The following ZNF385D variants were observed in gnomAD, a reference collection of about 807,000 sequenced individuals.
ZNF385D encodes the protein zinc finger protein 385D.
Under a neutral mutation model 35.8 loss-of-function variants are expected in ZNF385D, and 15 were observed. The ratio of observed to expected loss-of-function variants is 0.42; its 90% CI spans 0.28 to 0.64. The LOEUF (loss-of-function observed/expected upper bound fraction) is 0.64, where lower values mean the gene tolerates loss of function less well. Ranked by LOEUF, ZNF385D falls within the 30% of genes least tolerant of loss-of-function variation. The probability of loss-of-function intolerance (pLI) is 0.23; values close to 1 mark genes in which losing one functional copy is unlikely to be tolerated. For missense variants in ZNF385D, 474 were observed against 494.6 expected (o/e 0.96, Z 0.39); for synonymous variants, 212 against 186.8 (o/e 1.13, Z -1.10).
chr3:22,152,278 T>G (rs1478099985), intron 3 of ZNF385D, among the ~76,000 whole-genome samples: 1 of 152,150 alleles, frequency 6.6e-6, no homozygotes, highest in Non-Finnish European at 1.5e-5. Flanking sequence ...TGCTCTCTTT[T>G]AAAAGAGCAA....
chr3:21,905,152 G>A (rs529713422), intron 3 of ZNF385D, among the ~76,000 whole-genome samples: 127 of 121,736 alleles, frequency 1.0e-3, no homozygotes, highest in Middle Eastern at 7.5e-3. Flanking sequence ...ATAAATTAAT[G>A]TTCATCAGTA....
At chr3:21,783,392 T>C (rs993519545) in intron 3 of ZNF385D, among the ~76,000 whole-genome samples, 3 of 152,122 alleles carry the variant, frequency 2.0e-5, no homozygotes, top group Non-Finnish European at 4.4e-5. Context: ...AGACCTTCAA[T>C]GAAATCTTTG....
chr3:21,415,007 T>C lies in ZNF385D; in HGVS notation c.*6207A>G, dbSNP rs1280223363. 6.6e-6 allele frequency: 1 copy of C among 152,086 alleles called. No homozygotes were observed. Among genetic ancestry groups the C allele is most frequent in the African/African-American group, 2.4e-5 (1 of 41,424 alleles). 9.4% of individuals were successfully genotyped at this position (152,086 alleles called of 1,614,324 possible). The stretch of plus-strand genomic sequence containing the variant: ...CCTAGGGTCCTATACTGAAATTATA[T>C]AACAATGTGTGTTAAGTTGGGTTGA... On this transcript the variant is annotated 3_prime_UTR_variant, in exon 8 of 8. Transcript: ENST00000281523.
chr3:21,853,960 A>C (rs1696562623), intron 3 of ZNF385D, among the ~76,000 whole-genome samples: 1 of 151,926 alleles, frequency 6.6e-6, no homozygotes. Context: ...GGAAAAGGAA[A>C]ATAATTTAAT....
chr3:21,636,354 T>TTATATATGATTATATA, intron 2 of ZNF385D, among the ~76,000 whole-genome samples: 1 of 109,802 alleles, frequency 9.1e-6, no homozygotes, highest in Non-Finnish European at 1.9e-5. Context: ...ATATATATGA[T>TTATATATGATTATATA]TATATATGAT....
At chr3:21,767,272 A>G (rs2070870394) in intron 3 of ZNF385D, among the ~76,000 whole-genome samples, 1 of 152,094 alleles carries the variant, frequency 6.6e-6, no homozygotes, top group African/African-American at 2.4e-5. Context: ...ATCCTACAAA[A>G]TACATTTGTC....
chr3:22,319,826 T>C (rs553533497), intron 2 of ZNF385D, among the ~76,000 whole-genome samples: 2 of 152,204 alleles, frequency 1.3e-5, no homozygotes, highest in Non-Finnish European at 2.9e-5. Context: ...GGGGTTGACT[T>C]TGAATCTATT....
chr3:22,048,224 T>C (rs1229431790), intron 3 of ZNF385D, among the ~76,000 whole-genome samples: 1 of 152,094 alleles, frequency 6.6e-6, no homozygotes, highest in African/African-American at 2.4e-5. Context: ...TCCTTTCCTA[T>C]GCAGAATTTT....
At chr3:21,600,072 A>C (rs1316514854) in intron 2 of ZNF385D, among the ~76,000 whole-genome samples, 3 of 152,222 alleles carry the variant, frequency 2.0e-5, no homozygotes, top group Non-Finnish European at 4.4e-5. Flanking sequence ...CACCAGTGCC[A>C]TAACGGTTTA....
chr3:21,933,423 T>A (rs1042323950), intron 3 of ZNF385D, among the ~76,000 whole-genome samples: 3 of 152,136 alleles, frequency 2.0e-5, no homozygotes, highest in African/African-American at 7.2e-5. Context: ...TATTAATACA[T>A]GAGACTATTG....
intron 1 of ZNF385D, among the ~76,000 whole-genome samples, chr3:21,729,165 T>C (rs1010311203): frequency 2.6e-5 from 4 of 152,192 alleles, no homozygotes; most frequent in African/African-American, 4.8e-5. Context: ...AGAGGTCTTC[T>C]ACCATTCTGG....
chr3:21,886,747 T>A (rs1038522738), intron 3 of ZNF385D, among the ~76,000 whole-genome samples: 8 of 152,188 alleles, frequency 5.3e-5, no homozygotes, highest in African/African-American at 1.9e-4. Context: ...CTGATGGGAT[T>A]TGAGTTCAAA....
In ZNF385D at chr3:22,183,181, A is replaced by G. The variant is rs551145841; in HGVS notation, c.107-14146T>C. ...CTATAGCATGAATAGTTAAGTTTAC[A>G]TATAGTATTAAGAGAGGAAGTTCCT... On this transcript the variant is annotated intron_variant, in intron 2 of 5. Transcript: ENST00000494108. Among the ~76,000 whole-genome samples the G allele has an allele frequency of 5.9e-5, 9 of 152,276 alleles. No homozygotes were observed. In the South Asian group the frequency reaches 1.9e-3, roughly 32 times the overall value.
rs1048650869 is a variant in ZNF385D, at chr3:22,138,708, A to G, written c.325+30109T>C. ...CTTACATGTTAGACCTAAAACCATA[A>G]AAACCCTAGAAGAAAACCTAGGCAA... On this transcript the variant is annotated intron_variant, in intron 3 of 5. Transcript: ENST00000494108. Among the ~76,000 whole-genome samples the G allele has an allele frequency of 1.1e-4, 16 of 152,184 alleles. 1 individual carries two copies. The highest frequency in any genetic ancestry group is 3.9e-4 in the African/African-American group (16 of 41,438).
chr3:22,030,122 G>C (rs1339722086), intron 3 of ZNF385D, among the ~76,000 whole-genome samples: 4 of 151,080 alleles, frequency 2.6e-5, no homozygotes, highest in Non-Finnish European at 5.9e-5. Context: ...CATGCTCAAT[G>C]CTTCCTGCTC....
chr3:21,962,752 C>T (rs955052907), intron 3 of ZNF385D, among the ~76,000 whole-genome samples: 2 of 152,030 alleles, frequency 1.3e-5, no homozygotes, highest in African/African-American at 2.4e-5. Context: ...CTTATAATTT[C>T]GTTGCCTAGC....
At chr3:21,452,657 G>A (rs1158428551) in intron 4 of ZNF385D, among the ~76,000 whole-genome samples, 3 of 151,896 alleles carry the variant, frequency 2.0e-5, no homozygotes, top group African/African-American at 7.2e-5. Context: ...AACCAATAAA[G>A]TGTAAGACTT....
intron 3 of ZNF385D, among the ~76,000 whole-genome samples, chr3:21,788,376 G>C (rs976178078): frequency 1.3e-5 from 2 of 152,152 alleles, no homozygotes; most frequent in Non-Finnish European, 2.9e-5. Flanking sequence ...TACTTGGGGG[G>C]CTGAGGCATG....
chr3:22,241,616 T>C (rs958236998), intron 2 of ZNF385D, among the ~76,000 whole-genome samples: 1 of 151,194 alleles, frequency 6.6e-6, no homozygotes, highest in Admixed American at 6.6e-5. Flanking sequence ...ACAAATTAAT[T>C]AGGCTTTTTT....
Sources: gnomAD v4.1 joint callset for allele counts (sites outside exome capture counted in the v4.1 genomes callset) on GRCh38, gnomAD v4.1.1 for gene constraint, MANE v1.5 for transcripts, NCBI Gene and HGNC (gene_info 2026-07-23, HGNC 2026-07-21) for gene names.